Variants in ANKRD13C observed in about 807,000 individuals in gnomAD.
ANKRD13C encodes the protein ankyrin repeat domain-containing protein 13C.
In ANKRD13C, 16 loss-of-function variants were observed where a neutral mutation model predicts 65.5. The observed-to-expected ratio is 0.24, with a 90% CI of 0.17 to 0.37. The LOEUF (loss-of-function observed/expected upper bound fraction) is 0.37, where lower values mean the gene tolerates loss of function less well. Among genes scored for constraint, ANKRD13C ranks in the 10% least tolerant of loss-of-function variants. The pLI is 1.00. For missense variants in ANKRD13C, 503 were observed against 655.9 expected (o/e 0.77, Z 2.55); for synonymous variants, 235 against 238.7 (o/e 0.98, Z 0.14).
At position 70,324,844 on chromosome 1, in the gene ANKRD13C, A is replaced by C; in HGVS notation, c.577+9T>G. On this transcript the variant is annotated intron_variant, in intron 3 of 12. Coordinates refer to ENST00000370944, the MANE Select transcript of ANKRD13C (RefSeq NM_030816.5). ...AGATATATCAACAACAGTAATTCAT[A>C]TTGCTTACTCATCTGCCTATCTCCA... 1 of 1,578,282 alleles carries C rather than the reference A, an allele frequency of 6.3e-7. No homozygotes were observed. The highest frequency in any genetic ancestry group is 8.7e-7 in the Non-Finnish European group (1 of 1,155,878).
At chr1:70,298,328 T>C (rs1329297595) in intron 7 of ANKRD13C, among the ~76,000 whole-genome samples, 2 of 152,190 alleles carry the variant, frequency 1.3e-5, no homozygotes. Flanking sequence ...GAAAAAGATC[T>C]GCTGTTTTAA....
In ANKRD13C at chr1:70,267,067, C is replaced by T. The variant is rs140781136; in HGVS notation, c.1495+3789G>A. Reference sequence around the variant, plus strand: ...TAATTGTGGATCTATTTTTCCTTTCCATTCTTTCAATTTTTGTTTCATCTA... The same window carrying T: ...TAATTGTGGATCTATTTTTCCTTTCTATTCTTTCAATTTTTGTTTCATCTA... On this transcript the variant is annotated intron_variant, in intron 12 of 12. Transcript: ENST00000370944. 3.1e-3 allele frequency among the ~76,000 whole-genome samples: 467 copies of T among 152,074 alleles called. 2 individuals are homozygous for T. Among genetic ancestry groups the T allele is most frequent in the African/African-American group, 0.01 (420 of 41,494 alleles).
rs1321259432 is a variant in ANKRD13C, at chr1:70,262,833, G to C, written c.1510C>G (p.Pro504Ala). 1.6e-5 allele frequency: 26 copies of C among 1,611,336 alleles called. No homozygotes were observed. Among genetic ancestry groups the C allele is most frequent in the Non-Finnish European group, 2.0e-5 (24 of 1,178,424 alleles). The change falls in exon 13 of 13, where the codon CCC (proline) becomes GCC (alanine). Residue 504 changes from proline (P) to alanine (A), a missense_variant. By Grantham distance (27) the Pro-to-Ala change is conservative. This residue lies in a region of ANKRD13C where 300 missense variants were observed against 478.3 expected (regional missense o/e 0.63). Transcript: ENST00000370944. The stretch of plus-strand genomic sequence containing the variant: ...AAAGTCACAGTGGCTGTGATTGTGG[G>C]AAACACAGGTATATCTACAGAGAGA... ...FPVKLDIPVF[P>A]TITATVTFQE...
At position 70,354,559 on chromosome 1, in the gene ANKRD13C, T is replaced by C. The variant is rs1682916389; in HGVS notation, c.-151A>G. 7.0e-7 allele frequency: 1 copy of C among 1,429,774 alleles called. No individual in the cohort carries two copies. The highest frequency in any genetic ancestry group is 9.1e-7 in the Non-Finnish European group (1 of 1,095,368). The allele number at this position is 1,429,774 out of a possible 1,614,324, so 88.6% of individuals were successfully genotyped here. A position where few individuals can be genotyped will look rare whatever the true frequency, so the allele number is the denominator to read the frequency against. ...AGCCCCCGAGCCTGGGACAAACGCA[T>C]CTCCCGGGGAAGAGCCGGCTCTCGC... On this transcript the variant is annotated 5_prime_UTR_variant, in exon 1 of 13. An upstream start codon of the reference 5' UTR is lost. Coordinates refer to ENST00000370944, the MANE Select transcript of ANKRD13C (RefSeq NM_030816.5).
At chr1:70,346,818 G>A (rs924687966) in intron 1 of ANKRD13C, among the ~76,000 whole-genome samples, 1 of 152,088 alleles carries the variant, frequency 6.6e-6, no homozygotes, top group Non-Finnish European at 1.5e-5. Context: ...TCGGGCGGGC[G>A]CGGTGGCTCA....
chr1:70,291,238 C>G (rs1210318331), intron 9 of ANKRD13C, among the ~76,000 whole-genome samples: 1 of 150,586 alleles, frequency 6.6e-6, no homozygotes, highest in African/African-American at 2.4e-5. Flanking sequence ...CCAAGCTGGT[C>G]TTGAACTCCT....
intron 8 of ANKRD13C, among the ~76,000 whole-genome samples, chr1:70,294,848 T>C (rs1377030668): frequency 6.6e-6 from 1 of 152,162 alleles, no homozygotes; most frequent in East Asian, 1.9e-4. Flanking sequence ...AGGCCAAGCC[T>C]GAACATTTCT....
At chr1:70,315,317 C>CCTTA (rs1558295038) in intron 4 of ANKRD13C, among the ~76,000 whole-genome samples, 164 bp downstream of exon 4, 1 of 151,920 alleles carries the variant, frequency 6.6e-6, no homozygotes, top group East Asian at 1.9e-4. Flanking sequence ...GGTGCTTCTA[C>CCTTA]TAAGATCACA....
intron 1 of ANKRD13C, among the ~76,000 whole-genome samples, chr1:70,343,560 T>A (rs537359318): frequency 1.2e-4 from 18 of 152,298 alleles, no homozygotes; most frequent in African/African-American, 2.6e-4. Flanking sequence ...TTAGGTAGGT[T>A]TGTTTGTTTG....
At chr1:70,296,789 G>A (rs1396614316) in intron 7 of ANKRD13C, among the ~76,000 whole-genome samples, 2 of 152,270 alleles carry the variant, frequency 1.3e-5, no homozygotes, top group Middle Eastern at 3.4e-3. Flanking sequence ...AAGGGAAGCA[G>A]CAGAGAGGGA....
intron 12 of ANKRD13C, among the ~76,000 whole-genome samples, chr1:70,267,947 T>C (rs1332931434): frequency 6.6e-6 from 1 of 152,102 alleles, no homozygotes; most frequent in Admixed American, 6.5e-5. Flanking sequence ...AAATAGAAAG[T>C]AAGAATAGAG....
chr1:70,297,926 A>C (rs1486116239), intron 7 of ANKRD13C, among the ~76,000 whole-genome samples: 2 of 151,822 alleles, frequency 1.3e-5, no homozygotes, highest in East Asian at 1.9e-4. Context: ...AAAAAAAAAA[A>C]AAAACAAAGA....
At chr1:70,265,980 C>G (rs1027467466) in intron 12 of ANKRD13C, among the ~76,000 whole-genome samples, 3 of 151,440 alleles carry the variant, frequency 2.0e-5, no homozygotes, top group African/African-American at 7.3e-5. Flanking sequence ...TTCCTGTAGC[C>G]TTTATTCAAT....
intron 9 of ANKRD13C, among the ~76,000 whole-genome samples, chr1:70,278,136 C>T (rs1679221166): frequency 6.6e-6 from 1 of 151,222 alleles, no homozygotes; most frequent in African/African-American, 2.4e-5. Context: ...CTGCAGTAAG[C>T]CATGATTATG....
At chr1:70,307,741 T>C (rs898873358) in intron 5 of ANKRD13C, among the ~76,000 whole-genome samples, 2 of 152,058 alleles carry the variant, frequency 1.3e-5, no homozygotes, top group African/African-American at 4.8e-5. Flanking sequence ...CCCAGGAGCT[T>C]GAGGCTAGCC....
intron 5 of ANKRD13C, among the ~76,000 whole-genome samples, chr1:70,306,626 G>T (rs1680597522): frequency 6.6e-6 from 1 of 152,070 alleles, no homozygotes; most frequent in Non-Finnish European, 1.5e-5. Context: ...TCCTGAATGG[G>T]TAACCAGATA....
chr1:70,354,096 C>A lies in ANKRD13C; in HGVS notation c.313G>T (p.Ala105Ser). Residue 105 changes from alanine to serine, a missense_variant, in exon 1 of 13, where the codon GCG becomes TCG. Around this residue, in one of 2 missense-constraint regions of ANKRD13C, gnomAD observed 203 missense variants for 177.6 expected, o/e 1.14. Coordinates refer to ENST00000370944, the MANE Select transcript of ANKRD13C (RefSeq NM_030816.5). ...TGTGCGGGGCAACTGCCTCCATCCG[C>A]GACGACAGCAACGGGGTTGGTGCCG... ...LAGTNPVAVV[A>S]DGGSCPAHYP... 4 of 1,612,396 alleles carry A rather than the reference C, an allele frequency of 2.5e-6. No individual in the cohort carries two copies. The highest frequency in any genetic ancestry group is 3.4e-6 in the Non-Finnish European group (4 of 1,178,864).
intron 5 of ANKRD13C, among the ~76,000 whole-genome samples, chr1:70,309,289 G>T (rs1680732378): frequency 6.6e-6 from 1 of 151,316 alleles, no homozygotes. Flanking sequence ...GGCCAGGTTG[G>T]TCTCAAACTC....
chr1:70,353,218 TAAAC>T (rs1373200949), intron 1 of ANKRD13C, among the ~76,000 whole-genome samples: 1 of 152,150 alleles, frequency 6.6e-6, no homozygotes, highest in Middle Eastern at 3.2e-3. Context: ...TTTTTAGAAT[TAAAC>T]AAAAAATTCA....
Sources: allele counts gnomAD v4.1 joint callset (sites outside exome capture counted in the v4.1 genomes callset), GRCh38; gene constraint gnomAD v4.1.1; regional missense constraint gnomAD v4.1.1; transcripts MANE v1.5; gene names NCBI Gene and HGNC (gene_info 2026-07-23, HGNC 2026-07-21).